Variants in NR2C1 observed in about 807,000 individuals in gnomAD.
NR2C1 encodes nuclear receptor subfamily 2 group C member 1, also known as TR2 nuclear hormone receptor.
A neutral mutation model predicts 74.8 loss-of-function variants in NR2C1; 33 were observed. The observed-to-expected ratio is 0.44, with a 90% confidence interval of 0.33 to 0.59. NR2C1 has a LOEUF of 0.59. Ranked by LOEUF, NR2C1 falls within the 20% of genes least tolerant of loss-of-function variation. The probability of loss-of-function intolerance (pLI) is 0.02; values close to 1 mark genes in which losing one functional copy is unlikely to be tolerated. For missense variants in NR2C1, 568 were observed against 715.6 expected (o/e 0.79, Z 2.35); for synonymous variants, 225 against 240.6 (o/e 0.94, Z 0.60).
chr12:95,028,368 A>C lies in NR2C1; in HGVS notation c.1531+19T>G, dbSNP rs376002911. The C allele has an allele frequency of 9.2e-5, 147 of 1,592,898 alleles. No homozygotes were observed. The highest frequency in any genetic ancestry group is 1.3e-4 in the Non-Finnish European group (147 of 1,168,794). On this transcript the variant is annotated intron_variant, in intron 12 of 13. Transcript: ENST00000333003. ...TCGTGAAACATTTTATTTTGAATAA[A>C]AAGTAAATGTTTATATACCTGGACT...
At chr12:95,064,530 G>A (rs1000362096) in intron 2 of NR2C1, among the ~76,000 whole-genome samples, 2 of 152,036 alleles carry the variant, frequency 1.3e-5, no homozygotes, top group African/African-American at 4.8e-5. Context: ...TTTAAGAAGA[G>A]AGAAGTAACA....
chr12:95,055,708 C>T (rs1241721846), intron 7 of NR2C1, among the ~76,000 whole-genome samples: 1 of 152,068 alleles, frequency 6.6e-6, no homozygotes, highest in South Asian at 2.1e-4. Flanking sequence ...AATCCCAGCA[C>T]TCTGGGAGGC....
intron 9 of NR2C1, among the ~76,000 whole-genome samples, chr12:95,048,423 G>C (rs1872573087): frequency 6.6e-6 from 1 of 152,114 alleles, no homozygotes; most frequent in South Asian, 2.1e-4. Flanking sequence ...AAAATGTGCT[G>C]AAAAGTTATA....
intron 9 of NR2C1, among the ~76,000 whole-genome samples, chr12:95,044,434 A>ATTTT (rs57195159): frequency 1.3e-4 from 18 of 141,642 alleles, no homozygotes; most frequent in African/African-American, 4.6e-4. Context: ...CACCCGGCTA[A>ATTTT]TTTTTTTTTT....
In NR2C1 at chr12:95,067,378, T is replaced by C. The variant is rs774976839; in HGVS notation, c.7A>G (p.Thr3Ala). The C allele has an allele frequency of 6.2e-7, 1 of 1,612,996 alleles. No homozygotes were observed. Among genetic ancestry groups the C allele is most frequent in the Non-Finnish European group, 8.5e-7 (1 of 1,178,976 alleles). Residue 3 changes from threonine (T) to alanine (A), a missense_variant, in exon 2 of 14, where the codon ACC (threonine) becomes GCC (alanine). Around this residue, in one of 6 missense-constraint regions of NR2C1, gnomAD observed 128 missense variants for 118.9 expected, o/e 1.08. Transcript: ENST00000333003. ...ATTTGATGTGCAATTTCTTCTATGG[T>C]TGCCATGATCTACCTGCCAAAAATA... MA[T>A]IEEIAHQIIE...
chr12:95,030,404 C>T, intron 11 of NR2C1: 1 of 1,237,160 alleles, frequency 8.1e-7, no homozygotes, highest in African/African-American at 1.6e-5. Flanking sequence ...AAAACTGAAG[C>T]AGAATAAAGT....
chr12:95,034,551 A>G (rs1870573947), intron 10 of NR2C1, among the ~76,000 whole-genome samples: 1 of 152,198 alleles, frequency 6.6e-6, no homozygotes, highest in Non-Finnish European at 1.5e-5. Context: ...TGAAATGTGC[A>G]CTTTCTTAGA....
intron 10 of NR2C1, among the ~76,000 whole-genome samples, chr12:95,039,621 A>T (rs1871259963): frequency 6.6e-6 from 1 of 152,206 alleles, no homozygotes; most frequent in Non-Finnish European, 1.5e-5. Context: ...TTTCTTCAGA[A>T]CAGAATGTAG....
At position 95,042,070 on chromosome 12, in the gene NR2C1, G is replaced by A. The variant is rs573603440; in HGVS notation, c.1132-1473C>T. Among the ~76,000 whole-genome samples, 17 of 152,146 alleles carry A rather than the reference G, an allele frequency of 1.1e-4. No homozygotes were observed. The South Asian group carries it at 3.5e-3, about 32-fold the overall frequency. The stretch of plus-strand genomic sequence containing the variant: ...AATAGATGACCCAATTTATGTTAAA[G>A]AGTACATATATATGTATACCTAAAA... On this transcript the variant is annotated intron_variant, in intron 9 of 13. Transcript: ENST00000333003.
intron 7 of NR2C1, among the ~76,000 whole-genome samples, chr12:95,055,095 C>A (rs376545477): frequency 6.6e-6 from 1 of 152,180 alleles, no homozygotes; most frequent in Non-Finnish European, 1.5e-5. Context: ...TCAACAGGAT[C>A]CCAAGGCAGA....
At chr12:95,034,359 A>G (rs1435724527) in intron 10 of NR2C1, among the ~76,000 whole-genome samples, 2 of 152,346 alleles carry the variant, frequency 1.3e-5, no homozygotes, top group Admixed American at 6.5e-5. Flanking sequence ...GCTTAAAAAT[A>G]TCAATCTTAA....
At chr12:95,047,817 G>C (rs755330689) in intron 9 of NR2C1, among the ~76,000 whole-genome samples, 1 of 152,292 alleles carries the variant, frequency 6.6e-6, no homozygotes, top group African/African-American at 2.4e-5. Flanking sequence ...CTATAACTCT[G>C]TCCAAGCATT....
intron 8 of NR2C1, 116 bp from the exon 9 acceptor site, chr12:95,049,349 A>G: frequency 1.0e-6 from 1 of 983,726 alleles, no homozygotes; most frequent in South Asian, 1.9e-5. Flanking sequence ...GCTGGTCTAG[A>G]ACTCAAGTGA....
chr12:95,038,081 T>G (rs911944800), intron 10 of NR2C1, among the ~76,000 whole-genome samples: 11 of 152,180 alleles, frequency 7.2e-5, no homozygotes, highest in African/African-American at 2.7e-4. Flanking sequence ...ATAATGGCCT[T>G]GACTGCTAGA....
At chr12:95,038,685 G>C (rs1871151863) in intron 10 of NR2C1, among the ~76,000 whole-genome samples, 1 of 152,222 alleles carries the variant, frequency 6.6e-6, no homozygotes, top group South Asian at 2.1e-4. Context: ...TTGAAACTGA[G>C]AGGTGGAGAT....
intron 7 of NR2C1, among the ~76,000 whole-genome samples, chr12:95,056,496 A>G (rs947641346): frequency 6.6e-6 from 1 of 152,198 alleles, no homozygotes; most frequent in East Asian, 1.9e-4. Flanking sequence ...TTGGATACAT[A>G]AAAGGAGAGC....
At chr12:95,032,170 T>C (rs560183907) in intron 10 of NR2C1, among the ~76,000 whole-genome samples, 5 of 152,214 alleles carry the variant, frequency 3.3e-5, no homozygotes, top group Non-Finnish European at 7.3e-5. Context: ...TCCCAGCCTC[T>C]AGAATTATTT....
chr12:95,060,340 G>A (rs1419764102), intron 3 of NR2C1, among the ~76,000 whole-genome samples: 1 of 152,164 alleles, frequency 6.6e-6, no homozygotes, highest in Non-Finnish European at 1.5e-5. Context: ...ACTGGCAAAG[G>A]AAACTAGTTT....
chr12:95,028,633 A>T (rs1418158584), intron 11 of NR2C1, 109 bp from the exon 12 acceptor site: 1 of 806,728 alleles, frequency 1.2e-6, no homozygotes, highest in South Asian at 1.6e-5. Flanking sequence ...TAATTCTTAA[A>T]TTTTTTTTGA....
Sources: gnomAD v4.1 joint callset for allele counts (sites outside exome capture counted in the v4.1 genomes callset) on GRCh38, gnomAD v4.1.1 for gene constraint, gnomAD v4.1.1 regional missense constraint, MANE v1.5 for transcripts, NCBI Gene and HGNC (gene_info 2026-07-23, HGNC 2026-07-21) for gene names.